The following PPID variants were observed in gnomAD, a reference collection of about 807,000 sequenced individuals.
PPID encodes peptidylprolyl isomerase D.
In PPID, 47 loss-of-function variants were observed where a neutral mutation model predicts 48.1. The ratio of observed to expected loss-of-function variants is 0.98; its 90% CI spans 0.77 to 1.25. PPID has a LOEUF of 1.25. Ranked by LOEUF, PPID falls within the 50% of genes most tolerant of loss-of-function variation. The pLI is 0.00. For synonymous variants in PPID, 163 were observed against 148.8 expected, an observed-to-expected ratio of 1.10 and a Z score of -0.69; for missense variants, 429 against 443.5, an observed-to-expected ratio of 0.97 and a Z score of 0.29.
At chr4:158,719,373 T>C in intron 2 of PPID, 87 bp from the exon 3 acceptor site, 1 of 823,754 alleles carries the variant, frequency 1.2e-6, no homozygotes, top group East Asian at 2.6e-5. Context: ...AAGACAACTT[T>C]GTAGTGCATG....
At chr4:158,722,409 A>C (rs1328842880) in intron 1 of PPID, among the ~76,000 whole-genome samples, 1 of 152,250 alleles carries the variant, frequency 6.6e-6, no homozygotes, top group Non-Finnish European at 1.5e-5. Flanking sequence ...AAAAGCTGTA[A>C]AAATTCCTCC....
Position 158,709,805 on chromosome 4 carries a change from C to G in PPID, c.1044G>C (p.Leu348=). The G allele has an allele frequency of 1.2e-6, 2 of 1,610,612 alleles. No individual in the cohort carries two copies. The highest frequency in any genetic ancestry group is 1.7e-6 in the Non-Finnish European group (2 of 1,177,800). The part of the protein sequence containing the change: ...PEDKAIQAEL[L]KVKQKIKAQK... ...GTGCCTTTATCTTTTGTTTGACTTT[C>G]AGCAATTCTGCCTGGATAGCTGTAA... The change falls in exon 10 of 10, where the codon CTG becomes CTC. Residue 348 remains leucine, a synonymous_variant. Coordinates refer to ENST00000307720, the MANE Select transcript of PPID (RefSeq NM_005038.3).
At chr4:158,711,972 T>A (rs539936142) in intron 7 of PPID, among the ~76,000 whole-genome samples, 1 of 152,028 alleles carries the variant, frequency 6.6e-6, no homozygotes, top group South Asian at 2.1e-4. Context: ...AAACCCAGAG[T>A]GAAGACCCAT....
chr4:158,722,810 G>A (rs1329523107), intron 1 of PPID, among the ~76,000 whole-genome samples: 1 of 152,194 alleles, frequency 6.6e-6, no homozygotes, highest in African/African-American at 2.4e-5. Context: ...TATCTCATGT[G>A]GCAAATATAG....
intron 1 of PPID, 74 bp downstream of exon 1, chr4:158,723,130 G>T: frequency 7.0e-7 from 1 of 1,432,660 alleles, no homozygotes; most frequent in Non-Finnish European, 9.6e-7. Flanking sequence ...GCCGCATTCC[G>T]CCCTTGGAAT....
At chr4:158,721,601 G>T in intron 1 of PPID, 118 bp from the exon 2 acceptor site, 1 of 1,242,938 alleles carries the variant, frequency 8.0e-7, no homozygotes, top group Non-Finnish European at 1.1e-6. Context: ...CCCCTTTACT[G>T]TAATTTTTCT....
intron 1 of PPID, among the ~76,000 whole-genome samples, chr4:158,722,954 A>T (rs1179756965): frequency 1.3e-5 from 2 of 152,224 alleles, no homozygotes; most frequent in African/African-American, 4.8e-5. Flanking sequence ...AGGCAAACCT[A>T]AAGGACGCCA....
At position 158,710,822 on chromosome 4, in the gene PPID, G is replaced by A. The variant is rs1205594171; in HGVS notation, c.921C>T (p.Thr307=). The A allele has an allele frequency of 6.2e-7, 1 of 1,612,996 alleles. No homozygotes were observed. The highest frequency in any genetic ancestry group is 1.3e-5 in the African/African-American group (1 of 74,872). ...LEALELDPSN[T]KALYRRAQGW... ...CTTGAGCTCTGCGGTACAATGCTTT[G>A]GTATTTGATGGGTCTAGTTCAAGAG... Residue 307 remains threonine, a synonymous_variant, in exon 8 of 10, where the codon ACC becomes ACT. Transcript: ENST00000307720.
chr4:158,717,311 A>G (rs1398677179), intron 3 of PPID, 111 bp from the exon 4 acceptor site: 1 of 879,536 alleles, frequency 1.1e-6, no homozygotes, highest in African/African-American at 1.7e-5. Flanking sequence ...GCACTATACT[A>G]CCATTTAGAT....
chr4:158,711,955 C>CA (rs925491528), intron 7 of PPID, among the ~76,000 whole-genome samples: 12 of 150,596 alleles, frequency 8.0e-5, no homozygotes, highest in African/African-American at 7.3e-5. Context: ...TGACAGAGAA[C>CA]AAAAAAAAAC....
At chr4:158,715,772 C>A in intron 4 of PPID, 88 bp from the exon 5 acceptor site, 4 of 1,416,248 alleles carry the variant, frequency 2.8e-6, no homozygotes, top group Non-Finnish European at 3.9e-6. Context: ...GCAGCACTGT[C>A]CAATTCACAG....
At position 158,723,357 on chromosome 4, in the gene PPID, C is replaced by A; in HGVS notation, c.-69G>T. On this transcript the variant is annotated 5_prime_UTR_variant, in exon 1 of 10. Transcript: ENST00000307720. ...GTGGCCGCCCGGGCCGCCCAAACTC[C>A]AGAGTCCGTCTCCGCCGGAGACCGG... The A allele has an allele frequency of 6.8e-7, 1 of 1,467,438 alleles. No homozygotes were observed. Among genetic ancestry groups the A allele is most frequent in the Non-Finnish European group, 9.5e-7 (1 of 1,057,060 alleles). The allele number at this position is 1,467,438 out of a possible 1,614,324, so 90.9% of individuals were successfully genotyped here. A position where few individuals can be genotyped will look rare whatever the true frequency, so the allele number is the denominator to read the frequency against.
chr4:158,717,068 T>C lies in PPID; in HGVS notation c.466A>G (p.Ile156Val), dbSNP rs1044603213. 1.2e-6 allele frequency: 2 copies of C among 1,614,170 alleles called. No individual in the cohort carries two copies. The highest frequency in any genetic ancestry group is 1.7e-5 in the Admixed American group (1 of 60,014). Reference protein sequence around the residue: ...HVVFGQVIKGIGVARILENVE... With the variant: ...HVVFGQVIKGVGVARILENVE... ...TTTTCCAATATCCTTGCCACTCCTA[T>C]TCCTTTAATTACTTGGCCAAACACC... Residue 156 changes from isoleucine (I) to valine (V), a missense_variant, in exon 4 of 10, where the codon ATA (isoleucine) becomes GTA (valine). Transcript: ENST00000307720.
intron 2 of PPID, 144 bp downstream of exon 2, chr4:158,721,199 T>A (rs2126340720): frequency 1.0e-6 from 1 of 969,620 alleles, no homozygotes; most frequent in African/African-American, 1.7e-5. Flanking sequence ...GCCTAACCTT[T>A]ACGAAACTGC....
At chr4:158,719,487 G>C (rs1239471605) in intron 2 of PPID, among the ~76,000 whole-genome samples, 1 of 152,150 alleles carries the variant, frequency 6.6e-6, no homozygotes, top group Non-Finnish European at 1.5e-5. Context: ...TTCACTGCCT[G>C]ATCCCTGCTA....
Position 158,710,856 on chromosome 4 carries a change from A to G in PPID, c.895-8T>C, listed in dbSNP as rs780703395. On this transcript the variant is annotated splice_region_variant and splice_polypyrimidine_tract_variant and intron_variant, in intron 7 of 9. Coordinates refer to ENST00000307720, the MANE Select transcript of PPID (RefSeq NM_005038.3). ...TGGGTCTAGTTCAAGAGCCTACAAA[A>G]AAGTATAAAGCTAGTATTTATATCA... 4 of 1,599,350 alleles carry G rather than the reference A, an allele frequency of 2.5e-6. No individual in the cohort carries two copies. In the South Asian group the frequency reaches 4.4e-5, roughly 18 times the overall value.
intron 2 of PPID, among the ~76,000 whole-genome samples, chr4:158,720,993 C>T (rs777741980): frequency 1.1e-4 from 16 of 152,206 alleles, no homozygotes; most frequent in Non-Finnish European, 1.9e-4. Context: ...GGATTACAGG[C>T]GTGAGCCACT....
chr4:158,721,611 T>G, intron 1 of PPID, 128 bp from the exon 2 acceptor site: 3 of 1,064,098 alleles, frequency 2.8e-6, no homozygotes, highest in Admixed American at 5.5e-5. Context: ...GTAATTTTTC[T>G]TTTTTGCAAT....
intron 1 of PPID, 109 bp downstream of exon 1, chr4:158,723,095 C>G (rs1448252348): frequency 2.6e-6 from 3 of 1,150,714 alleles, no homozygotes; most frequent in Non-Finnish European, 3.8e-6. Flanking sequence ...ATCCCCTCCG[C>G]GAAACTGAGC....
Sources: allele counts gnomAD v4.1 joint callset (sites outside exome capture counted in the v4.1 genomes callset), GRCh38; gene constraint gnomAD v4.1.1; transcripts MANE v1.5; gene names NCBI Gene and HGNC (gene_info 2026-07-23, HGNC 2026-07-21).